The following CREB5 variants were observed in gnomAD, a reference collection of about 807,000 sequenced individuals.
CREB5 encodes the protein cyclic AMP-responsive element-binding protein 5.
A neutral mutation model predicts 57.1 loss-of-function variants in CREB5; 19 were observed. The observed-to-expected ratio is 0.33, with a 90% CI of 0.23 to 0.49. The LOEUF is 0.49. Ranked by LOEUF, CREB5 falls within the 20% of genes least tolerant of loss-of-function variation. The pLI is 0.99. For missense variants in CREB5, 579 were observed against 671.6 expected (o/e 0.86, Z 1.52); for synonymous variants, 238 against 238.3 (o/e 1.00, Z 0.01).
At chr7:28,390,405 G>A (rs1253623922) in intron 1 of CREB5, among the ~76,000 whole-genome samples, 1 of 152,130 alleles carries the variant, frequency 6.6e-6, no homozygotes, top group Non-Finnish European at 1.5e-5. Flanking sequence ...AAAATAAACT[G>A]TTAATAACCT....
chr7:28,549,699 G>GT lies in CREB5; in HGVS notation c.292-20656dup, dbSNP rs910930188. ...ATGTTGTTTATTTCACTGGATGCCT[G>GT]TTTTTTTTTTAACATCCTGTTTTAT... On this transcript the variant is annotated intron_variant, in intron 4 of 10. Transcript: ENST00000357727. Among the ~76,000 whole-genome samples, 531 of 147,596 alleles carry GT rather than the reference G, an allele frequency of 3.6e-3. 1 individual carries two copies. Among genetic ancestry groups the GT allele is most frequent in the Non-Finnish European group, 5.6e-3 (375 of 66,534 alleles).
intron 1 of CREB5, among the ~76,000 whole-genome samples, chr7:28,369,660 C>T (rs769510786): frequency 3.9e-5 from 6 of 152,152 alleles, no homozygotes; most frequent in Non-Finnish European, 5.9e-5. Flanking sequence ...CTGCTTTGTC[C>T]AATGGCCAGT....
chr7:28,338,167 T>C (rs1037613815), intron 1 of CREB5, among the ~76,000 whole-genome samples: 1 of 152,142 alleles, frequency 6.6e-6, no homozygotes, highest in African/African-American at 2.4e-5. Flanking sequence ...CATAATTACA[T>C]TGTTGTAATA....
Position 28,665,043 on chromosome 7 carries a change from C to T in CREB5, c.465-53710C>T, listed in dbSNP as rs74740884. On this transcript the variant is annotated intron_variant, in intron 5 of 10. Transcript: ENST00000357727. The stretch of plus-strand genomic sequence containing the variant: ...AGTTGTGAGCCAAGTGGTTATCATG[C>T]CTTTGCCCAAAAGGCTAAGAAAAAG... Among the ~76,000 whole-genome samples, 1,353 of 152,228 alleles carry T rather than the reference C, an allele frequency of 8.9e-3. 33 individuals are homozygous for T. The highest frequency in any genetic ancestry group is 0.031 in the African/African-American group (1,306 of 41,526).
rs866862354 is a variant in CREB5 at position 28,447,425 on chromosome 7, C to G, written c.3+34508C>G. On this transcript the variant is annotated intron_variant, in intron 1 of 10. Transcript: ENST00000357727. ...TCTTCATTTGGTAGCTGCACACCGA[C>G]GGGGGAGTGGGTGACGGAATTTGGA... Among the ~76,000 whole-genome samples the G allele has an allele frequency of 3.9e-5, 6 of 152,264 alleles. No individual in the cohort carries two copies. The South Asian group carries it at 6.2e-4, about 16-fold the overall frequency.
At chr7:28,766,119 T>G (rs547281056) in intron 7 of CREB5, among the ~76,000 whole-genome samples, 4 of 152,298 alleles carry the variant, frequency 2.6e-5, no homozygotes, top group African/African-American at 9.6e-5. Context: ...TGTATGTTCC[T>G]TAGCACATCC....
intron 7 of CREB5, among the ~76,000 whole-genome samples, chr7:28,801,695 A>G (rs1808374733): frequency 6.6e-6 from 1 of 152,226 alleles, no homozygotes; most frequent in African/African-American, 2.4e-5. Context: ...ACTTCATTGC[A>G]AAGCATTGCT....
At chr7:28,670,457 G>A (rs1016220405) in intron 5 of CREB5, among the ~76,000 whole-genome samples, 7 of 152,142 alleles carry the variant, frequency 4.6e-5, no homozygotes, top group South Asian at 2.1e-4. Context: ...GTATCTCTCC[G>A]TTAAGACCAT....
intron 7 of CREB5, among the ~76,000 whole-genome samples, chr7:28,787,932 C>T (rs1381842090): frequency 6.6e-6 from 1 of 152,154 alleles, no homozygotes; most frequent in African/African-American, 2.4e-5. Context: ...TCATTAAGTA[C>T]AGAGAGGATA....
intron 5 of CREB5, among the ~76,000 whole-genome samples, chr7:28,628,726 A>G (rs1187304342): frequency 6.6e-6 from 1 of 152,158 alleles, no homozygotes; most frequent in Middle Eastern, 3.2e-3. Flanking sequence ...ATTTTCATGT[A>G]ACATTTATCT....
chr7:28,804,863 A>C (rs1808615549), intron 8 of CREB5, among the ~76,000 whole-genome samples: 1 of 152,246 alleles, frequency 6.6e-6, no homozygotes. Context: ...CTTGTGAAGA[A>C]AGATGTGAAT....
At position 28,594,817 on chromosome 7, in the gene CREB5, A is replaced by T. The variant is rs565924428; in HGVS notation, c.464+24280A>T. Among the ~76,000 whole-genome samples, 137 of 152,298 alleles carry T rather than the reference A, an allele frequency of 9.0e-4. 2 individuals carry two copies. The highest frequency in any genetic ancestry group is 3.4e-3 in the Middle Eastern group (1 of 294). ...AGGGCCCTTCATACATGTGAGGCCC[A>T]GCTAACCAAACCCCTTGACTTCAAA... On this transcript the variant is annotated intron_variant, in intron 5 of 10. Transcript: ENST00000357727.
chr7:28,353,348 A>G (rs1481117108), intron 1 of CREB5, among the ~76,000 whole-genome samples: 2 of 152,070 alleles, frequency 1.3e-5, no homozygotes, highest in Non-Finnish European at 2.9e-5. Flanking sequence ...TAGATCCCAT[A>G]CTCTGAAAGA....
intron 1 of CREB5, among the ~76,000 whole-genome samples, chr7:28,429,622 C>T (rs1788637825): frequency 6.6e-6 from 1 of 152,066 alleles, no homozygotes; most frequent in African/African-American, 2.4e-5. Flanking sequence ...AGGGACTGGG[C>T]TGTGATTGGG....
At chr7:28,356,561 C>T (rs958332642) in intron 1 of CREB5, among the ~76,000 whole-genome samples, 12 of 152,208 alleles carry the variant, frequency 7.9e-5, no homozygotes, top group African/African-American at 2.9e-4. Flanking sequence ...TGATAACCTA[C>T]CCTCACCTGT....
At position 28,605,922 on chromosome 7, in the gene CREB5, T is replaced by C. The variant is rs548763400; in HGVS notation, c.464+35385T>C. 9.2e-5 allele frequency among the ~76,000 whole-genome samples: 14 copies of C among 152,308 alleles called. No individual in the cohort carries two copies. In the South Asian group the frequency reaches 2.9e-3, roughly 32 times the overall value. ...AGAGAATTTTTTGAGGTGACAAAAA[T>C]GTCTTATATTTTTATCATGCTGGTG... On this transcript the variant is annotated intron_variant, in intron 5 of 10. Coordinates refer to ENST00000357727, the MANE Select transcript of CREB5 (RefSeq NM_182898.4).
intron 4 of CREB5, among the ~76,000 whole-genome samples, chr7:28,534,259 C>T (rs531903148): frequency 1.3e-5 from 2 of 152,286 alleles, no homozygotes; most frequent in South Asian, 4.1e-4. Flanking sequence ...ACTCTGTGTG[C>T]TGAAAAACAA....
intron 5 of CREB5, among the ~76,000 whole-genome samples, chr7:28,713,936 G>A (rs1378807309): frequency 6.6e-6 from 1 of 151,630 alleles, no homozygotes; most frequent in African/African-American, 2.4e-5. Flanking sequence ...AGATTTCTTC[G>A]ATATCTATGG....
Position 28,507,715 on chromosome 7 carries a change from A to G in CREB5, c.269A>G (p.Gln90Arg), listed in dbSNP as rs575115266. 3.7e-6 allele frequency: 6 copies of G among 1,607,504 alleles called. No individual in the cohort carries two copies. The East Asian group carries it at 1.3e-4, about 36-fold the overall frequency. ...CTGGAGCACGAGTTCAGGAAGGCTC[A>G]GGAAGAGGAGAGCAGCAAGCGGGTA... The part of the protein sequence containing the change: ...CSLEHEFRKA[Q>R]EEESSKRNIS... Residue 90 changes from glutamine to arginine, a missense_variant, in exon 4 of 11, where the codon CAG becomes CGG. By Grantham distance (43) the Gln-to-Arg change is conservative. Coordinates refer to ENST00000357727, the MANE Select transcript of CREB5 (RefSeq NM_182898.4).
Sources: allele counts gnomAD v4.1 joint callset (sites outside exome capture counted in the v4.1 genomes callset), GRCh38; gene constraint gnomAD v4.1.1; transcripts MANE v1.5; gene names NCBI Gene and HGNC (gene_info 2026-07-23, HGNC 2026-07-21).